CLIC4: variants seen among roughly 807,000 people sequenced by gnomAD.
The protein encoded by CLIC4 is CLIC family member 4, also known as chloride intracellular channel protein 4.
CLIC4 carries 13 observed loss-of-function variants against 24.6 expected under a neutral mutation model. The ratio of observed to expected loss-of-function variants is 0.53; its 90% CI spans 0.34 to 0.84. CLIC4 has a LOEUF of 0.84. Ranked by LOEUF, CLIC4 falls within the 40% of genes least tolerant of loss-of-function variation. The pLI is 0.01. For synonymous variants in CLIC4, 104 were observed against 111.3 expected (o/e 0.93, Z 0.41); for missense variants, 227 against 301.7 (o/e 0.75, Z 1.83).
chr1:24,820,067 G>GTATATATATATA (rs751126014), intron 3 of CLIC4, among the ~76,000 whole-genome samples: 19 of 36,462 alleles, frequency 5.2e-4, no homozygotes, highest in South Asian at 1.4e-3. Context: ...AAAAAAGTAT[G>GTATATATATATA]TATATATATA....
chr1:24,782,862 CT>C (rs1168845614), intron 1 of CLIC4, among the ~76,000 whole-genome samples: 6 of 152,060 alleles, frequency 3.9e-5, no homozygotes, highest in Non-Finnish European at 7.4e-5. Context: ...GCCTGTATTC[CT>C]AGCTACTGCA....
intron 1 of CLIC4, among the ~76,000 whole-genome samples, chr1:24,755,484 G>A (rs1638835436): frequency 1.3e-5 from 2 of 150,922 alleles, no homozygotes; most frequent in Non-Finnish European, 3.0e-5. Flanking sequence ...GGTGGTGAGT[G>A]CCTCTAGACC....
rs1466288658 is a variant in CLIC4, at chr1:24,841,475, A to G, written c.*538A>G. The stretch of plus-strand genomic sequence containing the variant: ...GTCTATCCTGGATATGTACTAACGA[A>G]TATTACCACCAGAGAAGAGAGCTTT... On this transcript the variant is annotated 3_prime_UTR_variant, in exon 6 of 6. Coordinates refer to ENST00000374379, the MANE Select transcript of CLIC4 (RefSeq NM_013943.3). The G allele has an allele frequency of 2.0e-5, 3 of 152,346 alleles. No individual in the cohort carries two copies. The highest frequency in any genetic ancestry group is 4.8e-5 in the African/African-American group (2 of 41,572). The allele number at this position is 152,346 out of a possible 1,614,324, so 9.4% of individuals were successfully genotyped here.
chr1:24,819,343 A>G lies in CLIC4; in HGVS notation c.308+5124A>G, dbSNP rs942001659. Among the ~76,000 whole-genome samples, 6 of 152,220 alleles carry G rather than the reference A, an allele frequency of 3.9e-5. No homozygotes were observed. The South Asian group carries it at 8.3e-4, about 21-fold the overall frequency. On this transcript the variant is annotated intron_variant, in intron 3 of 5. Transcript: ENST00000374379. ...GGCCATGCATATAATTAGAATGCCAATAAATCAAAGCTAGGATATTTGTGA... is the reference window on the plus strand; with the variant it reads ...GGCCATGCATATAATTAGAATGCCAGTAAATCAAAGCTAGGATATTTGTGA...
At chr1:24,800,568 C>T (rs962153683) in intron 2 of CLIC4, among the ~76,000 whole-genome samples, 10 of 152,198 alleles carry the variant, frequency 6.6e-5, no homozygotes, top group Admixed American at 6.5e-4. Context: ...GGAGGTGTGC[C>T]CAACAGTTCA....
At chr1:24,801,788 A>G (rs1468222010) in intron 2 of CLIC4, among the ~76,000 whole-genome samples, 1 of 152,224 alleles carries the variant, frequency 6.6e-6, no homozygotes, top group Non-Finnish European at 1.5e-5. Context: ...TACAGACTTT[A>G]AAATTTATTG....
chr1:24,821,962 T>C (rs955378307), intron 3 of CLIC4, among the ~76,000 whole-genome samples: 1 of 152,192 alleles, frequency 6.6e-6, no homozygotes, highest in African/African-American at 2.4e-5. Context: ...CCATGCATTG[T>C]GCTTTGTGGG....
chr1:24,762,444 C>G (rs1638939793), intron 1 of CLIC4, among the ~76,000 whole-genome samples: 1 of 151,942 alleles, frequency 6.6e-6, no homozygotes, highest in South Asian at 2.1e-4. Context: ...TGTATGAGAT[C>G]ATTGTGTGGA....
At chr1:24,823,397 CT>C (rs1639753814) in intron 3 of CLIC4, among the ~76,000 whole-genome samples, 2 of 152,250 alleles carry the variant, frequency 1.3e-5, no homozygotes, top group Non-Finnish European at 1.5e-5. Context: ...ACTTAGCTAA[CT>C]TACTGATAAA....
intron 2 of CLIC4, among the ~76,000 whole-genome samples, chr1:24,807,558 G>A (rs892261566): frequency 6.6e-6 from 1 of 152,092 alleles, no homozygotes; most frequent in African/African-American, 2.4e-5. Flanking sequence ...CTAATTTAAA[G>A]AGAGTCACCG....
intron 1 of CLIC4, among the ~76,000 whole-genome samples, chr1:24,766,493 T>G (rs1299323216): frequency 2.9e-5 from 2 of 69,126 alleles, no homozygotes; most frequent in East Asian, 6.1e-4. Context: ...TTTTTTTTTT[T>G]TTTTTTTTTT....
At chr1:24,820,067 GTATATATATATGTA>G (rs1473570366) in intron 3 of CLIC4, among the ~76,000 whole-genome samples, 1 of 36,472 alleles carries the variant, frequency 2.7e-5, no homozygotes, top group African/African-American at 8.9e-5. Context: ...AAAAAAGTAT[GTATATATATATGTA>G]TATATATATA....
intron 3 of CLIC4, among the ~76,000 whole-genome samples, chr1:24,818,879 A>G (rs1346193854): frequency 6.6e-6 from 1 of 151,966 alleles, no homozygotes; most frequent in Admixed American, 6.6e-5. Context: ...CCAGAGCAGA[A>G]GAGTCATTTT....
intron 1 of CLIC4, among the ~76,000 whole-genome samples, chr1:24,753,926 A>G (rs1238221505): frequency 5.3e-5 from 8 of 152,210 alleles, no homozygotes; most frequent in African/African-American, 1.4e-4. Context: ...TAAATTTTCT[A>G]TAGGAAATGA....
At chr1:24,765,029 T>G (rs1338471062) in intron 1 of CLIC4, among the ~76,000 whole-genome samples, 4 of 152,206 alleles carry the variant, frequency 2.6e-5, no homozygotes, top group Admixed American at 2.6e-4. Flanking sequence ...CACAATTATC[T>G]TAGATGGGAT....
intron 1 of CLIC4, among the ~76,000 whole-genome samples, chr1:24,749,813 T>C (rs1337916770): frequency 6.6e-6 from 1 of 151,002 alleles, no homozygotes; most frequent in Non-Finnish European, 1.5e-5. Context: ...TTAAAAAAAT[T>C]GCCAGGCACA....
intron 1 of CLIC4, among the ~76,000 whole-genome samples, chr1:24,764,837 G>A (rs1638972516): frequency 6.6e-6 from 1 of 152,050 alleles, no homozygotes; most frequent in South Asian, 2.1e-4. Context: ...CTCTCTCACT[G>A]CAGGTTTGTT....
At chr1:24,781,973 C>CTAT (rs1639211042) in intron 1 of CLIC4, among the ~76,000 whole-genome samples, 1 of 152,062 alleles carries the variant, frequency 6.6e-6, no homozygotes, top group South Asian at 2.1e-4. Flanking sequence ...TTTTTAAAGA[C>CTAT]TATTGTACGC....
chr1:24,770,132 G>C (rs189974669), intron 1 of CLIC4, among the ~76,000 whole-genome samples: 60 of 152,252 alleles, frequency 3.9e-4, no homozygotes, highest in African/African-American at 1.4e-3. Context: ...TTACAGGCAT[G>C]AGCCATTGTG....
Sources: allele counts gnomAD v4.1 joint callset (sites outside exome capture counted in the v4.1 genomes callset), GRCh38; gene constraint gnomAD v4.1.1; transcripts MANE v1.5; gene names NCBI Gene and HGNC (gene_info 2026-07-23, HGNC 2026-07-21).